Variants in JAZF1 observed in about 807,000 individuals in gnomAD.
The protein encoded by JAZF1 is juxtaposed with another zinc finger protein 1.
JAZF1 carries 8 observed loss-of-function variants against 26.4 expected under a neutral mutation model. The ratio of observed to expected loss-of-function variants is 0.30; its 90% confidence interval spans 0.18 to 0.55. The LOEUF (loss-of-function observed/expected upper bound fraction) is 0.55, where lower values mean the gene tolerates loss of function less well. Ranked by LOEUF, JAZF1 falls within the 20% of genes least tolerant of loss-of-function variation. The probability of loss-of-function intolerance (pLI) is 0.94; values close to 1 mark genes in which losing one functional copy is unlikely to be tolerated. For synonymous variants in JAZF1, 126 were observed against 122.3 expected (o/e 1.03, Z -0.20); for missense variants, 199 against 322.0 (o/e 0.62, Z 2.92).
At chr7:28,049,879 C>T (rs1014822643) in intron 1 of JAZF1, among the ~76,000 whole-genome samples, 2 of 152,164 alleles carry the variant, frequency 1.3e-5, no homozygotes, top group Non-Finnish European at 2.9e-5. Context: ...ATGTTCACCA[C>T]CCCAGAAGCT....
intron 1 of JAZF1, among the ~76,000 whole-genome samples, chr7:28,092,424 T>C (rs1458390864): frequency 6.6e-6 from 1 of 150,822 alleles, no homozygotes; most frequent in Non-Finnish European, 1.5e-5. Context: ...AAATACACGG[T>C]TGGACTGAGC....
At chr7:28,040,772 G>C (rs1783376689) in intron 1 of JAZF1, among the ~76,000 whole-genome samples, 1 of 152,198 alleles carries the variant, frequency 6.6e-6, no homozygotes, top group Admixed American at 6.5e-5. Context: ...CCAGAGTTAA[G>C]AGAGGAATTG....
At chr7:28,040,409 C>T (rs891904612) in intron 1 of JAZF1, among the ~76,000 whole-genome samples, 65 of 152,096 alleles carry the variant, frequency 4.3e-4, no homozygotes, top group African/African-American at 1.5e-3. Flanking sequence ...GAGATGAGTA[C>T]TATAAAGAAA....
chr7:28,162,459 A>T (rs923986360), intron 1 of JAZF1, among the ~76,000 whole-genome samples: 9 of 152,328 alleles, frequency 5.9e-5, no homozygotes, highest in African/African-American at 1.9e-4. Context: ...CCTTTAGTTC[A>T]TGTAAGGTTG....
At chr7:27,941,264 A>C (rs1423243531) in intron 2 of JAZF1, among the ~76,000 whole-genome samples, 2 of 152,264 alleles carry the variant, frequency 1.3e-5, no homozygotes, top group African/African-American at 4.8e-5. Flanking sequence ...ATCTCAACAT[A>C]GCATCCCTTC....
chr7:28,008,938 T>C (rs185811175), intron 1 of JAZF1, among the ~76,000 whole-genome samples: 1 of 152,176 alleles, frequency 6.6e-6, no homozygotes, highest in Non-Finnish European at 1.5e-5. Context: ...CAAGATACAT[T>C]TAAATGATTT....
chr7:28,027,664 G>A (rs949056649), intron 1 of JAZF1, among the ~76,000 whole-genome samples: 3 of 152,152 alleles, frequency 2.0e-5, no homozygotes, highest in African/African-American at 7.2e-5. Context: ...AAATAACTAA[G>A]GGGGATGGCA....
intron 1 of JAZF1, among the ~76,000 whole-genome samples, chr7:28,070,070 C>T (rs1051215484): frequency 1.2e-4 from 19 of 152,214 alleles, no homozygotes; most frequent in Admixed American, 1.2e-3. Context: ...TCCTGGCAGT[C>T]ATCCCAGGAA....
chr7:27,934,938 T>C (rs941448231), intron 2 of JAZF1, among the ~76,000 whole-genome samples: 11 of 152,156 alleles, frequency 7.2e-5, no homozygotes, highest in Admixed American at 2.0e-4. Flanking sequence ...GAGAACATAT[T>C]TGCAAATTTT....
chr7:28,028,133 G>A (rs937932976), intron 1 of JAZF1, among the ~76,000 whole-genome samples: 1 of 152,176 alleles, frequency 6.6e-6, no homozygotes. Flanking sequence ...AGTTCAATAT[G>A]AAACAAGCAA....
At chr7:27,990,867 T>C (rs38517) in intron 2 of JAZF1, among the ~76,000 whole-genome samples, 125,435 of 152,186 alleles carry the variant, frequency 0.82, 52,313 homozygotes, top group African/African-American at 0.94. Flanking sequence ...TAATGAAAAA[T>C]TGGAGATATT....
intron 2 of JAZF1, among the ~76,000 whole-genome samples, chr7:27,896,586 TCACC>T (rs1562522158): frequency 2.6e-5 from 4 of 152,240 alleles, no homozygotes; most frequent in Non-Finnish European, 5.9e-5. Context: ...ACATGGTATT[TCACC>T]TAACCTATTT....
intron 2 of JAZF1, among the ~76,000 whole-genome samples, chr7:27,907,061 A>T (rs58884055): frequency 0.37 from 55,445 of 151,768 alleles, 10,288 homozygotes; most frequent in East Asian, 0.49. Context: ...AAGTTGCACT[A>T]AGGCTCTTAG....
At chr7:28,054,971 T>C (rs928869168) in intron 1 of JAZF1, among the ~76,000 whole-genome samples, 8 of 152,122 alleles carry the variant, frequency 5.3e-5, no homozygotes, top group Admixed American at 1.3e-4. Context: ...GCTGGCAATG[T>C]GCTCTATCTC....
chr7:27,862,210 A>G (rs968355287), intron 3 of JAZF1, among the ~76,000 whole-genome samples: 1 of 152,210 alleles, frequency 6.6e-6, no homozygotes, highest in Non-Finnish European at 1.5e-5. Context: ...TTTTTAAAAA[A>G]TATTTTCAAC....
intron 1 of JAZF1, among the ~76,000 whole-genome samples, chr7:28,076,318 A>G (rs1784050433): frequency 6.6e-6 from 1 of 152,232 alleles, no homozygotes; most frequent in Non-Finnish European, 1.5e-5. Flanking sequence ...AAACAAATAA[A>G]TGAAAGGTTT....
chr7:28,047,241 T>C lies in JAZF1; in HGVS notation c.116-55260A>G, dbSNP rs753689480. On this transcript the variant is annotated intron_variant, in intron 1 of 4. Coordinates refer to ENST00000283928, the MANE Select transcript of JAZF1 (RefSeq NM_175061.4). ...CATGGATCTCTTTATGGATTCTCCA[T>C]AGGATATTTTAAAATCTGGTGGGGC... 1.2e-3 allele frequency among the ~76,000 whole-genome samples: 182 copies of C among 152,282 alleles called. 1 individual carries two copies. The highest frequency in any genetic ancestry group is 2.0e-3 in the Non-Finnish European group (138 of 67,980).
intron 3 of JAZF1, among the ~76,000 whole-genome samples, chr7:27,869,239 C>T (rs1009637996): frequency 3.3e-5 from 5 of 152,078 alleles, no homozygotes; most frequent in African/African-American, 9.7e-5. Flanking sequence ...TAAATCACAC[C>T]TATCAGTTCC....
intron 1 of JAZF1, among the ~76,000 whole-genome samples, chr7:28,008,234 T>A (rs573843639): frequency 7.6e-4 from 115 of 152,250 alleles, no homozygotes; most frequent in Middle Eastern, 3.4e-3. Flanking sequence ...TATTATTATT[T>A]TTTTTAGAGA....
Sources: allele counts gnomAD v4.1 joint callset (sites outside exome capture counted in the v4.1 genomes callset), GRCh38; gene constraint gnomAD v4.1.1; transcripts MANE v1.5; gene names NCBI Gene and HGNC (gene_info 2026-07-23, HGNC 2026-07-21).